GRIN2B: variants seen among roughly 807,000 people sequenced by gnomAD.
GRIN2B encodes glutamate receptor ionotropic, NMDA 2B.
Under a neutral mutation model 114.5 loss-of-function variants are expected in GRIN2B, and 5 were observed. The observed-to-expected ratio is 0.04, with a 90% CI of 0.02 to 0.09. The LOEUF (loss-of-function observed/expected upper bound fraction) is 0.09, where lower values mean the gene tolerates loss of function less well. Among genes scored for constraint, GRIN2B ranks in the 10% least tolerant of loss-of-function variants. The pLI is 1.00. For synonymous variants in GRIN2B, 787 were observed against 745.1 expected (o/e 1.06, Z -0.92); for missense variants, 1,108 against 1,943.5 (o/e 0.57, Z 8.08).
At chr12:13,567,457 G>A (rs569294864) in intron 12 of GRIN2B, among the ~76,000 whole-genome samples, 194 bp from the exon 13 acceptor site, 4 of 152,330 alleles carry the variant, frequency 2.6e-5, no homozygotes, top group East Asian at 1.9e-4. Flanking sequence ...ATTCATCAAC[G>A]TACTTAGTAA....
At chr12:13,800,085 T>C (rs1354563259) in intron 3 of GRIN2B, among the ~76,000 whole-genome samples, 4 of 152,194 alleles carry the variant, frequency 2.6e-5, no homozygotes, top group Non-Finnish European at 5.9e-5. Context: ...CCAACCGATG[T>C]GTGCCATTTT....
At chr12:13,589,684 A>T (rs567498126) in intron 10 of GRIN2B, among the ~76,000 whole-genome samples, 249 of 152,348 alleles carry the variant, frequency 1.6e-3, no homozygotes, top group Non-Finnish European at 2.8e-3. Context: ...GAACATCATT[A>T]CATTCTACTT....
At chr12:13,667,379 G>C (rs531371905) in intron 5 of GRIN2B, among the ~76,000 whole-genome samples, 1 of 152,132 alleles carries the variant, frequency 6.6e-6, no homozygotes, top group African/African-American at 2.4e-5. Context: ...TTCCAGAATC[G>C]ATATAAACAA....
chr12:13,830,100 C>T (rs968043034), intron 3 of GRIN2B, among the ~76,000 whole-genome samples: 15 of 152,114 alleles, frequency 9.9e-5, no homozygotes, highest in African/African-American at 2.9e-4. Context: ...TGTTAACAAG[C>T]TGAATATAGG....
chr12:13,790,303 C>G (rs972525559), intron 3 of GRIN2B, among the ~76,000 whole-genome samples: 3 of 152,144 alleles, frequency 2.0e-5, no homozygotes, highest in African/African-American at 7.2e-5. Flanking sequence ...TCTCCTGTGT[C>G]CTCTCATCCC....
rs1948232008 is a variant in GRIN2B at position 13,537,931 on chromosome 12, T to C, written c.*24852A>G. The C allele has an allele frequency of 6.6e-6, 1 of 152,188 alleles. No homozygotes were observed. The highest frequency in any genetic ancestry group is 6.5e-5 in the Admixed American group (1 of 15,280). The allele number at this position is 152,188 out of a possible 1,614,324, so 9.4% of individuals were successfully genotyped here. A position where few individuals can be genotyped will look rare whatever the true frequency, so the allele number is the denominator to read the frequency against. On this transcript the variant is annotated 3_prime_UTR_variant, in exon 14 of 14. Transcript: ENST00000609686. Reference sequence around the variant, plus strand: ...CACAAATGATAGCTTTGGCATAATTTTTTTGACAGGCCCTGCAGACTCTCA... The same window carrying C: ...CACAAATGATAGCTTTGGCATAATTCTTTTGACAGGCCCTGCAGACTCTCA...
intron 4 of GRIN2B, among the ~76,000 whole-genome samples, chr12:13,712,556 T>C (rs1196557943): frequency 6.6e-6 from 1 of 151,784 alleles, no homozygotes; most frequent in Non-Finnish European, 1.5e-5. Flanking sequence ...GATAAAAATG[T>C]TCCATATACT....
chr12:13,646,170 A>G (rs1215217819), intron 5 of GRIN2B, among the ~76,000 whole-genome samples: 1 of 150,470 alleles, frequency 6.6e-6, no homozygotes, highest in Non-Finnish European at 1.5e-5. Flanking sequence ...CCTGATTTAC[A>G]AAAAGTAATT....
chr12:13,808,745 A>C (rs1015900696), intron 3 of GRIN2B, among the ~76,000 whole-genome samples: 2 of 38,178 alleles, frequency 5.2e-5, no homozygotes, highest in Non-Finnish European at 9.2e-5. Context: ...AAGTATAATA[A>C]AAAAAAAATA....
chr12:13,563,089 C>T lies in GRIN2B; in HGVS notation c.4149G>A (p.Thr1383=), dbSNP rs201750358. 3.7e-6 allele frequency: 6 copies of T among 1,614,058 alleles called. No homozygotes were observed. Among genetic ancestry groups the T allele is most frequent in the East Asian group, 2.2e-5 (1 of 44,888 alleles). ...LSKSLYPDRV[T]QNPFIPTFGD... ...CAAAAGTGGGGATGAAAGGGTTTTG[C>T]GTGACCCGGTCAGGGTAGAGCGACT... is the stretch of plus-strand genomic sequence containing the variant. Residue 1383 remains threonine, a synonymous_variant, in exon 14 of 14, where the codon ACG becomes ACA. Coordinates refer to ENST00000609686, the MANE Select transcript of GRIN2B (RefSeq NM_000834.5).
chr12:13,808,941 C>T (rs1864674404), intron 3 of GRIN2B, among the ~76,000 whole-genome samples: 1 of 151,832 alleles, frequency 6.6e-6, no homozygotes, highest in East Asian at 1.9e-4. Context: ...TAGTTGGACC[C>T]AAACATCTGC....
chr12:13,916,456 T>C (rs536648389), intron 2 of GRIN2B, among the ~76,000 whole-genome samples: 24 of 152,258 alleles, frequency 1.6e-4, no homozygotes, highest in Middle Eastern at 6.8e-3. Flanking sequence ...GTTGTGTGAA[T>C]GGTTCTAAAC....
chr12:13,905,464 T>C (rs1364098105), intron 2 of GRIN2B, among the ~76,000 whole-genome samples: 1 of 152,216 alleles, frequency 6.6e-6, no homozygotes, highest in Non-Finnish European at 1.5e-5. Context: ...TTCCCTTTTA[T>C]TTATTTAAAT....
chr12:13,569,028 A>T (rs1433671285), intron 12 of GRIN2B, among the ~76,000 whole-genome samples: 1 of 152,172 alleles, frequency 6.6e-6, no homozygotes, highest in Admixed American at 6.5e-5. Context: ...TGGGCACATA[A>T]AGAGCAGAGA....
At chr12:13,901,135 CA>C (rs751167956) in intron 2 of GRIN2B, among the ~76,000 whole-genome samples, 8 of 152,098 alleles carry the variant, frequency 5.3e-5, no homozygotes, top group Non-Finnish European at 1.2e-4. Context: ...TTCTCACCAA[CA>C]TTCAGTATTG....
intron 3 of GRIN2B, among the ~76,000 whole-genome samples, chr12:13,809,600 T>G (rs1037759157): frequency 3.9e-5 from 6 of 152,248 alleles, no homozygotes; most frequent in African/African-American, 1.4e-4. Flanking sequence ...AGTAAAATAT[T>G]AGCCTGAGAG....
chr12:13,651,306 T>C lies in GRIN2B; in HGVS notation c.1125+24439A>G, dbSNP rs574435428. 2.2e-4 allele frequency among the ~76,000 whole-genome samples: 34 copies of C among 152,130 alleles called. No individual in the cohort carries two copies. The South Asian group carries it at 6.4e-3, about 29-fold the overall frequency. ...GTCTGTCCTGCATTAAAACCAGGCA[T>C]GTGGTCAATAAAATTAATCAGCAGC... On this transcript the variant is annotated intron_variant, in intron 5 of 13. Transcript: ENST00000609686.
intron 10 of GRIN2B, among the ~76,000 whole-genome samples, chr12:13,591,559 T>C (rs1273826551): frequency 6.6e-6 from 1 of 152,182 alleles, no homozygotes; most frequent in Non-Finnish European, 1.5e-5. Flanking sequence ...CTTAGTTTTC[T>C]CTACTGCACA....
chr12:13,756,898 A>G (rs1341997591), intron 3 of GRIN2B, among the ~76,000 whole-genome samples: 1 of 152,198 alleles, frequency 6.6e-6, no homozygotes, highest in Non-Finnish European at 1.5e-5. Context: ...GCTTCTCTTA[A>G]TACTCTCTCT....
Sources: allele counts gnomAD v4.1 joint callset (sites outside exome capture counted in the v4.1 genomes callset), GRCh38; gene constraint gnomAD v4.1.1; transcripts MANE v1.5; gene names NCBI Gene and HGNC (gene_info 2026-07-23, HGNC 2026-07-21).